The following NCL variants were observed in gnomAD, a reference collection of about 807,000 sequenced individuals.
NCL encodes the protein nucleolin multifunctional protein.
In NCL, 4 loss-of-function variants were observed where a neutral mutation model predicts 77.7. The ratio of observed to expected loss-of-function variants is 0.05; its 90% CI spans 0.03 to 0.12. NCL has a LOEUF of 0.12. NCL is among the 10% of genes least tolerant of loss of function. The probability of loss-of-function intolerance (pLI) is 1.00; values close to 1 mark genes in which losing one functional copy is unlikely to be tolerated. For missense variants in NCL, 763 were observed against 860.9 expected, an observed-to-expected ratio of 0.89 and a Z score of 1.42; for synonymous variants, 344 against 297.8, an observed-to-expected ratio of 1.16 and a Z score of -1.60.
In NCL at chr2:231,460,726, C is replaced by T. The variant is rs1439313278; in HGVS notation, c.754G>A (p.Asp252Asn). 2 of 1,612,536 alleles carry T rather than the reference C, an allele frequency of 1.2e-6. No homozygotes were observed. Among genetic ancestry groups the T allele is most frequent in the South Asian group, 2.2e-5 (2 of 91,038 alleles). The change falls in exon 4 of 14, where the codon GAT becomes AAT. Residue 252 changes from aspartate (D) to asparagine (N), a missense_variant. By Grantham distance (23) the Asp-to-Asn change is conservative. Around this residue, in one of 2 missense-constraint regions of NCL, gnomAD observed 590 missense variants for 570.5 expected, o/e 1.03. Transcript: ENST00000322723. ...DEDEDDDDDEDDEDDDDEDDE... is the reference protein window; with the variant it reads ...DEDEDDDDDENDEDDDDEDDE... ...TCTTCATCATCATCATCTTCATCATCTTCGTCGTCGTCGTCATCCTCGTCC... is the reference window on the plus strand; with the variant it reads ...TCTTCATCATCATCATCTTCATCATTTTCGTCGTCGTCGTCATCCTCGTCC...
chr2:231,455,289 CTGTTAAAAGAA>C, intron 13 of NCL, 22 bp from the exon 14 acceptor site: 1 of 1,614,116 alleles, frequency 6.2e-7, no homozygotes, highest in Non-Finnish European at 8.5e-7. Flanking sequence ...AGGCAAGACA[CTGTTAAAAGAA>C]TGGGTACAAA....
At chr2:231,462,093 T>G in intron 2 of NCL, 76 bp from the exon 3 acceptor site, 3 of 1,545,226 alleles carry the variant, frequency 1.9e-6, no homozygotes, top group Non-Finnish European at 2.7e-6. Context: ...CAATGAGATG[T>G]TAGACTCTGG....
chr2:231,455,434 C>T lies in NCL; in HGVS notation c.2023G>A (p.Gly675Arg). 6.8e-6 allele frequency: 11 copies of T among 1,614,114 alleles called. No homozygotes were observed. Among genetic ancestry groups the T allele is most frequent in the Non-Finnish European group, 9.3e-6 (11 of 1,179,996 alleles). The change falls in exon 13 of 14, where the codon GGA (glycine) becomes AGA (arginine). Residue 675 changes from glycine (G) to arginine (R), a missense_variant. Transcript: ENST00000322723. Reference protein sequence around the residue: ...GRGGGRGGRGGFGGRGRGGFG... With the variant: ...GRGGGRGGRGRFGGRGRGGFG... Reference sequence around the variant, plus strand: ...CCTCCCCGGCCTCTGCCACCAAATCCTCCTCGGCCTCCTCTACCACCACCT... The same window carrying T: ...CCTCCCCGGCCTCTGCCACCAAATCTTCCTCGGCCTCCTCTACCACCACCT...
intron 6 of NCL, among the ~76,000 whole-genome samples, 191 bp downstream of exon 6, chr2:231,459,961 G>C (rs887341601): frequency 2.6e-5 from 4 of 152,138 alleles, no homozygotes; most frequent in African/African-American, 7.2e-5. Context: ...GCTATACCAA[G>C]TTACGACTGA....
Position 231,455,409 on chromosome 2 carries a change from C to T in NCL, c.2048G>A (p.Gly683Asp), listed in dbSNP as rs1277345341. The T allele has an allele frequency of 6.2e-7, 1 of 1,614,080 alleles. No individual in the cohort carries two copies. Among genetic ancestry groups the T allele is most frequent in the Non-Finnish European group, 8.5e-7 (1 of 1,180,030 alleles). The change falls in exon 13 of 14, where the codon GGC becomes GAC. Residue 683 changes from glycine (G) to aspartate (D), a missense_variant. Gly to Asp is a moderately conservative substitution (Grantham distance 94). Transcript: ENST00000322723. ...ATCTCTGCGTGCCTTACCTCCAAAG[C>T]CTCCCCGGCCTCTGCCACCAAATCC... ...RGGFGGRGRG[G>D]FGGRGGFRGG...
At chr2:231,457,613 T>G in intron 9 of NCL, 30 bp downstream of exon 9, 2 of 1,561,878 alleles carry the variant, frequency 1.3e-6, no homozygotes, top group Non-Finnish European at 1.7e-6. Flanking sequence ...CCACCAATTC[T>G]GAAACCTTGT....
In NCL at chr2:231,461,556, ATCGTCATCCTCATCATCT is replaced by A. The variant is rs747203154; in HGVS notation, c.579_596del (p.Glu193_Asp198del). On this transcript the variant is annotated inframe_deletion, in exon 3 of 14. Coordinates refer to ENST00000322723, the MANE Select transcript of NCL (RefSeq NM_005381.3). ...ACTCCTTACCATCTTCCTCATCGTC[ATCGTCATCCTCATCATCT>A]TCGTCATCCTCATCGTCCTCATCCT... 104 of 1,613,382 alleles carry A rather than the reference ATCGTCATCCTCATCATCT, an allele frequency of 6.4e-5. No homozygotes were observed. The highest frequency in any genetic ancestry group is 1.3e-4 in the East Asian group (6 of 44,872).
chr2:231,463,479 G>GT (rs1467653422), intron 1 of NCL, 163 bp from the exon 2 acceptor site: 1 of 674,848 alleles, frequency 1.5e-6, no homozygotes, highest in Non-Finnish European at 2.6e-6. Flanking sequence ...GGCAATGCAA[G>GT]AGGGACTACT....
chr2:231,464,129 G>T (rs2046977980), intron 1 of NCL: 1 of 1,370,506 alleles, frequency 7.3e-7, no homozygotes, highest in Non-Finnish European at 9.5e-7. Flanking sequence ...CGCCGCGTTC[G>T]CCGCCCCCAG....
At chr2:231,458,966 G>A (rs940076519) in intron 7 of NCL, 35 bp downstream of exon 7, 5 of 1,511,400 alleles carry the variant, frequency 3.3e-6, no homozygotes, top group South Asian at 1.3e-5. Context: ...TCTAGCTCCT[G>A]AGTTCATTGC....
Position 231,461,797 on chromosome 2 carries a change from A to G in NCL, c.356T>C (p.Val119Ala). The G allele has an allele frequency of 6.2e-7, 1 of 1,614,134 alleles. No individual in the cohort carries two copies. The highest frequency in any genetic ancestry group is 8.5e-7 in the Non-Finnish European group (1 of 1,180,024). Residue 119 changes from valine to alanine, a missense_variant, in exon 3 of 14, where the codon GTA (valine) becomes GCA (alanine). By Grantham distance (64) the Val-to-Ala change is moderately conservative. Transcript: ENST00000322723. ...AGCACCCTTCTTACCAGGAGTTGCT[A>G]CCAATGCTTTGCCTGGTGTGGCTCC... Reference protein sequence around the residue: ...KKGATPGKALVATPGKKGAAI... With the variant: ...KKGATPGKALAATPGKKGAAI...
intron 1 of NCL, 95 bp from the exon 2 acceptor site, chr2:231,463,411 C>CAA: frequency 1.2e-6 from 1 of 820,356 alleles, no homozygotes; most frequent in Non-Finnish European, 2.1e-6. Context: ...CATCTCCGTC[C>CAA]TCAGATCCAT....
rs377332427 is a variant in NCL at position 231,460,244 on chromosome 2, A to G, written c.948T>C (p.Phe316=). 1.2e-5 allele frequency: 20 copies of G among 1,614,086 alleles called. No individual in the cohort carries two copies. The highest frequency in any genetic ancestry group is 1.6e-4 in the Middle Eastern group (1 of 6,062). ...AFNLFVGNLN[F]NKSAPELKTG... ...TTTTTAATTCAGGAGCAGATTTGTTAAAGTTTAGGTTTCCAACAAAGAGAT... is the reference window on the plus strand; with the variant it reads ...TTTTTAATTCAGGAGCAGATTTGTTGAAGTTTAGGTTTCCAACAAAGAGAT... Residue 316 remains phenylalanine (F), a synonymous_variant, in exon 6 of 14, where the codon TTT becomes TTC. Transcript: ENST00000322723.
intron 7 of NCL, 25 bp downstream of exon 7, chr2:231,458,976 C>T (rs2046920527): frequency 6.5e-7 from 1 of 1,538,978 alleles, no homozygotes; most frequent in Non-Finnish European, 8.7e-7. Flanking sequence ...GAGTTCATTG[C>T]ATAATCTCAT....
At chr2:231,462,650 T>G in intron 2 of NCL, 1 of 468,304 alleles carries the variant, frequency 2.1e-6, no homozygotes. Flanking sequence ...ACGAGAAACC[T>G]GAGCACAATT....
chr2:231,455,814 A>G (rs527862159), intron 12 of NCL, 190 bp from the exon 13 acceptor site: 2 of 1,156,640 alleles, frequency 1.7e-6, no homozygotes, highest in South Asian at 1.2e-5. Flanking sequence ...GTCTCACAAT[A>G]CAGCTAAATA....
chr2:231,456,588 G>A, intron 11 of NCL, 43 bp downstream of exon 11: 1 of 1,611,124 alleles, frequency 6.2e-7, no homozygotes. Context: ...AAAGCACCGA[G>A]AGTGCTACCC....
rs199829854 is a variant in NCL, at chr2:231,460,685, TTCC to T, written c.792_794del (p.Glu271del). 4,456 of 1,612,640 alleles carry T rather than the reference TTCC, an allele frequency of 2.8e-3. 25 individuals are homozygous for T. The highest frequency in any genetic ancestry group is 0.021 in the African/African-American group (1,542 of 74,918). On this transcript the variant is annotated inframe_deletion, in exon 4 of 14. Coordinates refer to ENST00000322723, the MANE Select transcript of NCL (RefSeq NM_005381.3). ...TTTAAGTACCTTCCTCCTCCTCTTCTTCCTCCTCCTCATCATCTTCATCATCAT... is the reference window on the plus strand; with the variant it reads ...TTTAAGTACCTTCCTCCTCCTCTTCTTCCTCCTCATCATCTTCATCATCAT...
chr2:231,461,574 T>A lies in NCL; in HGVS notation c.579A>T (p.Glu193Asp), dbSNP rs2046951554. 2 of 1,613,180 alleles carry A rather than the reference T, an allele frequency of 1.2e-6. No homozygotes were observed. Among genetic ancestry groups the A allele is most frequent in the Non-Finnish European group, 1.7e-6 (2 of 1,179,174 alleles). Residue 193 changes from glutamate to aspartate, a missense_variant, in exon 3 of 14, where the codon GAA becomes GAT. By Grantham distance (45) the Glu-to-Asp change is conservative. Transcript: ENST00000322723. ...ASEDEDDEDD[E>D]DDEDDDDDEE... ...CATCGTCATCGTCATCCTCATCATC[T>A]TCGTCATCCTCATCGTCCTCATCCT...
Sources: allele counts gnomAD v4.1 joint callset (sites outside exome capture counted in the v4.1 genomes callset), GRCh38; gene constraint gnomAD v4.1.1; regional missense constraint gnomAD v4.1.1; transcripts MANE v1.5; gene names NCBI Gene and HGNC (gene_info 2026-07-23, HGNC 2026-07-21).